The following USPL1 variants were observed in gnomAD, a reference collection of about 807,000 sequenced individuals.
USPL1 encodes SUMO-specific isopeptidase USPL1.
A neutral mutation model predicts 51.5 loss-of-function variants in USPL1; 27 were observed. That is an observed-to-expected ratio of 0.52 (90% confidence interval 0.39 to 0.72). The LOEUF (loss-of-function observed/expected upper bound fraction) is 0.72. Ranked by LOEUF, USPL1 falls within the 30% of genes least tolerant of loss-of-function variation. The probability of loss-of-function intolerance (pLI) is 0.00; values close to 1 mark genes in which losing one functional copy is unlikely to be tolerated. For synonymous variants in USPL1, 451 were observed against 459.6 expected, an observed-to-expected ratio of 0.98 and a Z score of 0.24; for missense variants, 1,226 against 1,268.0, an observed-to-expected ratio of 0.97 and a Z score of 0.50.
rs1016770752 is a variant in USPL1, at chr13:30,659,064, T to C, written c.2987T>C (p.Leu996Ser). 1.9e-6 allele frequency: 3 copies of C among 1,614,182 alleles called. No homozygotes were observed. The African/African-American group carries it at 4.0e-5, about 22-fold the overall frequency. ...AATGGGGAAGGTGACTTTAGGTATT[T>C]GGGAATGGGAGATAGTCATATCCCA... ...SENGEGDFRY[L>S]GMGDSHIPPP... is the part of the protein sequence containing the mutation. The change falls in exon 9 of 9, where the codon TTG (leucine) becomes TCG (serine). Residue 996 changes from leucine to serine, a missense_variant. Coordinates refer to ENST00000255304, the MANE Select transcript of USPL1 (RefSeq NM_005800.5).
rs138543134 is a variant in USPL1 at position 30,657,753 on chromosome 13, C to A, written c.1676C>A (p.Thr559Asn). 1.7e-5 allele frequency: 27 copies of A among 1,614,100 alleles called. No homozygotes were observed. The highest frequency in any genetic ancestry group is 2.1e-5 in the Non-Finnish European group (25 of 1,180,042). ...AAAGATATATCAGTTGCCCCTCGTA[C>A]TCTTTCACAGGACACAGCTGTAACT... ...HPKDISVAPRTLSQDTAVTHG... is the reference protein window; with the variant it reads ...HPKDISVAPRNLSQDTAVTHG... The change falls in exon 9 of 9, where the codon ACT becomes AAT. Residue 559 changes from threonine to asparagine, a missense_variant. By Grantham distance (65) the Thr-to-Asn change is moderately conservative. Coordinates refer to ENST00000255304, the MANE Select transcript of USPL1 (RefSeq NM_005800.5).
intron 8 of USPL1, among the ~76,000 whole-genome samples, chr13:30,656,268 A>C (rs978827632): frequency 6.6e-6 from 1 of 152,204 alleles, no homozygotes. Flanking sequence ...GTAAGTGTAC[A>C]ATTCATTGGC....
At chr13:30,619,415 T>A (rs1950618604) in intron 1 of USPL1, among the ~76,000 whole-genome samples, 1 of 152,184 alleles carries the variant, frequency 6.6e-6, no homozygotes, top group Non-Finnish European at 1.5e-5. Flanking sequence ...TGGAGACTCT[T>A]TATATTTTAT....
rs1166325974 is a variant in USPL1 at position 30,660,311 on chromosome 13, C to T, written c.*955C>T. On this transcript the variant is annotated 3_prime_UTR_variant, in exon 9 of 9. Transcript: ENST00000255304. ...TGTTCATGGCTTCCAGGCTTACCCC[C>T]CTGCTTTGATCTGAGAGCTGGTGCC... is the stretch of plus-strand genomic sequence containing the variant. 1 of 152,272 alleles carries T rather than the reference C, an allele frequency of 6.6e-6. No individual in the cohort carries two copies. The highest frequency in any genetic ancestry group is 1.5e-5 in the Non-Finnish European group (1 of 68,084). The allele number at this position is 152,272 out of a possible 1,614,324, so 9.4% of individuals were successfully genotyped here.
At position 30,618,534 on chromosome 13, in the gene USPL1, C is replaced by T. The variant is rs536653909; in HGVS notation, c.-69+478C>T. Among the ~76,000 whole-genome samples, 4 of 152,000 alleles carry T rather than the reference C, an allele frequency of 2.6e-5. No homozygotes were observed. In the East Asian group the frequency reaches 5.8e-4, roughly 22 times the overall value. Reference sequence around the variant, plus strand: ...GAGCTCAAATGGGTGGGTTTAAGGCCCCCTCTTCGAACAGCTGTTTCCCTG... The same window carrying T: ...GAGCTCAAATGGGTGGGTTTAAGGCTCCCTCTTCGAACAGCTGTTTCCCTG... On this transcript the variant is annotated intron_variant, in intron 1 of 8. Transcript: ENST00000255304.
intron 3 of USPL1, among the ~76,000 whole-genome samples, chr13:30,628,988 T>C (rs1405424836): frequency 1.3e-5 from 2 of 152,182 alleles, no homozygotes; most frequent in Non-Finnish European, 2.9e-5. Flanking sequence ...TAGGAAGTAA[T>C]CTCAAAGCAT....
intron 3 of USPL1, among the ~76,000 whole-genome samples, chr13:30,630,115 T>TA (rs1340690485): frequency 6.6e-6 from 1 of 152,132 alleles, no homozygotes; most frequent in African/African-American, 2.4e-5. Flanking sequence ...TAGCTGGGAA[T>TA]ACGGGAGTGT....
chr13:30,654,376 T>C (rs1463634590), intron 8 of USPL1, among the ~76,000 whole-genome samples: 4 of 151,886 alleles, frequency 2.6e-5, no homozygotes, highest in African/African-American at 9.7e-5. Flanking sequence ...TCTCTCTCCT[T>C]CTTTGCTCCT....
At chr13:30,634,192 C>G (rs914557219) in intron 4 of USPL1, among the ~76,000 whole-genome samples, 1 of 152,124 alleles carries the variant, frequency 6.6e-6, no homozygotes, top group Admixed American at 6.5e-5. Flanking sequence ...CACTGCAATA[C>G]CATGGCAATA....
chr13:30,635,355 T>A (rs1390528012), intron 4 of USPL1, among the ~76,000 whole-genome samples: 2 of 152,158 alleles, frequency 1.3e-5, no homozygotes, highest in Non-Finnish European at 2.9e-5. Context: ...TAAGGATCCA[T>A]TTTTTTCCCA....
At chr13:30,622,711 C>A (rs565855964) in intron 3 of USPL1, among the ~76,000 whole-genome samples, 1 of 152,076 alleles carries the variant, frequency 6.6e-6, no homozygotes. Flanking sequence ...GATGCTGATT[C>A]AATAGAGTTG....
At position 30,621,272 on chromosome 13, in the gene USPL1, G is replaced by A. The variant is rs1045406340; in HGVS notation, c.99+33G>A. Reference sequence around the variant, plus strand: ...AACTTATTTTTTGCCTGAGTGCAAAGTTTTTTTTTTTTCTCTATTTTTGAG... The same window carrying A: ...AACTTATTTTTTGCCTGAGTGCAAAATTTTTTTTTTTTCTCTATTTTTGAG... On this transcript the variant is annotated intron_variant, in intron 2 of 8. Coordinates refer to ENST00000255304, the MANE Select transcript of USPL1 (RefSeq NM_005800.5). 1.7e-5 allele frequency: 21 copies of A among 1,250,374 alleles called. No homozygotes were observed. The African/African-American group carries it at 3.2e-4, about 19-fold the overall frequency. 77.5% of individuals were successfully genotyped at this position (1,250,374 alleles called of 1,614,324 possible).
At chr13:30,651,334 AG>A (rs1482490959) in intron 7 of USPL1, among the ~76,000 whole-genome samples, 1 of 152,206 alleles carries the variant, frequency 6.6e-6, no homozygotes, top group African/African-American at 2.4e-5. Flanking sequence ...CTTACTACCT[AG>A]GGGAATGTAC....
intron 7 of USPL1, among the ~76,000 whole-genome samples, chr13:30,650,917 G>A (rs1349012621): frequency 6.6e-6 from 1 of 151,998 alleles, no homozygotes; most frequent in Non-Finnish European, 1.5e-5. Flanking sequence ...TTGAACCCAG[G>A]GGGCGGAGGT....
chr13:30,659,947 C>T lies in USPL1; in HGVS notation c.*591C>T, dbSNP rs1021240157. On this transcript the variant is annotated 3_prime_UTR_variant, in exon 9 of 9. Transcript: ENST00000255304. Reference sequence around the variant, plus strand: ...GAAAAGGCCCTGGAGAGGGTGACTCCTCTCAGCTCTCAGCAGAGAAGCAGC... The same window carrying T: ...GAAAAGGCCCTGGAGAGGGTGACTCTTCTCAGCTCTCAGCAGAGAAGCAGC... 2 of 148,312 alleles carry T rather than the reference C, an allele frequency of 1.3e-5. No individual in the cohort carries two copies. Among genetic ancestry groups the T allele is most frequent in the African/African-American group, 5.3e-5 (2 of 37,538 alleles). The allele number at this position is 148,312 out of a possible 1,614,324, so 9.2% of individuals were successfully genotyped here. A position where few individuals can be genotyped will look rare whatever the true frequency, so the allele number is the denominator to read the frequency against.
Position 30,642,687 on chromosome 13 carries a change from G to T in USPL1, c.1042G>T (p.Glu348Ter), listed in dbSNP as rs1221164995. Residue 348 changes from glutamate to a stop codon, truncating the protein, a stop_gained, in exon 6 of 9, where the codon GAA becomes TAA. Transcript: ENST00000255304. LOFTEE classifies it high-confidence loss of function. The stretch of plus-strand genomic sequence containing the variant: ...GCTCTTAAAACTAGAAACCCACATT[G>T]AAAAGCTCTTCCTATATTCTTTTTC... The part of the protein sequence containing the change: ...PLLLKLETHI[E>*]KLFLYSFSWD... 1 of 1,613,906 alleles carries T rather than the reference G, an allele frequency of 6.2e-7. No homozygotes were observed. Among genetic ancestry groups the T allele is most frequent in the Non-Finnish European group, 8.5e-7 (1 of 1,179,904 alleles).
At chr13:30,624,339 G>A (rs1048079760) in intron 3 of USPL1, among the ~76,000 whole-genome samples, 1 of 152,160 alleles carries the variant, frequency 6.6e-6, no homozygotes, top group Non-Finnish European at 1.5e-5. Flanking sequence ...GACTGGCCAG[G>A]CACAGTGGCT....
At chr13:30,629,633 G>T (rs1043723187) in intron 3 of USPL1, among the ~76,000 whole-genome samples, 1 of 152,206 alleles carries the variant, frequency 6.6e-6, no homozygotes, top group African/African-American at 2.4e-5. Context: ...TGGAAGTTGA[G>T]TTCAAATAGT....
intron 3 of USPL1, among the ~76,000 whole-genome samples, chr13:30,626,429 G>A (rs1238457528): frequency 6.6e-6 from 1 of 152,088 alleles, no homozygotes; most frequent in African/African-American, 2.4e-5. Flanking sequence ...AGTTTTACCG[G>A]AACATAGCCA....
Sources: gnomAD v4.1 joint callset for allele counts (sites outside exome capture counted in the v4.1 genomes callset) on GRCh38, gnomAD v4.1.1 for gene constraint, MANE v1.5 for transcripts, NCBI Gene and HGNC (gene_info 2026-07-23, HGNC 2026-07-21) for gene names.